Variants in ANO4 observed in about 807,000 individuals in gnomAD.
The protein encoded by ANO4 is anoctamin-4.
A neutral mutation model predicts 141.9 loss-of-function variants in ANO4; 69 were observed. That is an observed-to-expected ratio of 0.49 (90% CI 0.40 to 0.59). The LOEUF (loss-of-function observed/expected upper bound fraction) is 0.59. ANO4 is among the 20% of genes least tolerant of loss of function. The pLI is 0.00. For synonymous variants in ANO4, 350 were observed against 394.3 expected (o/e 0.89, Z 1.33); for missense variants, 894 against 1,162.2 (o/e 0.77, Z 3.36).
intron 1 of ANO4, among the ~76,000 whole-genome samples, chr12:100,839,426 A>G (rs1204453431): frequency 6.6e-6 from 1 of 152,160 alleles, no homozygotes; most frequent in African/African-American, 2.4e-5. Flanking sequence ...TAACCAGTTT[A>G]TTTCTTTGTA....
intron 27 of ANO4, among the ~76,000 whole-genome samples, chr12:101,127,468 T>C (rs2051369450): frequency 6.6e-6 from 1 of 152,200 alleles, no homozygotes; most frequent in Non-Finnish European, 1.5e-5. Flanking sequence ...GAATTCTTCC[T>C]GAAAGCCTCA....
intron 22 of ANO4, among the ~76,000 whole-genome samples, chr12:101,107,391 G>A (rs377022800): frequency 7.2e-5 from 11 of 152,140 alleles, no homozygotes; most frequent in African/African-American, 1.2e-4. Context: ...AAGGCAAAAC[G>A]CCGTAAAATC....
intron 3 of ANO4, among the ~76,000 whole-genome samples, chr12:100,757,705 C>G (rs543069453): frequency 6.6e-6 from 1 of 152,238 alleles, no homozygotes. Flanking sequence ...GACTGCCAAC[C>G]TGCCTACTGT....
At chr12:101,127,318 A>G (rs1237630193) in intron 27 of ANO4, among the ~76,000 whole-genome samples, 1 of 152,180 alleles carries the variant, frequency 6.6e-6, no homozygotes, top group South Asian at 2.1e-4. Context: ...CTATCAGTCA[A>G]GGTCTTCATG....
At chr12:100,765,519 T>C (rs2033038392) in intron 3 of ANO4, among the ~76,000 whole-genome samples, 1 of 151,524 alleles carries the variant, frequency 6.6e-6, no homozygotes, top group South Asian at 2.1e-4. Context: ...GCTGGGACCA[T>C]AGACATAGGC....
chr12:100,882,766 T>C (rs867238201), intron 1 of ANO4, among the ~76,000 whole-genome samples: 68 of 152,138 alleles, frequency 4.5e-4, no homozygotes, highest in South Asian at 2.1e-4. Flanking sequence ...TGGCATGATC[T>C]TGGCTCTCTG....
chr12:100,789,473 G>C (rs901812578), intron 3 of ANO4, among the ~76,000 whole-genome samples: 4 of 152,172 alleles, frequency 2.6e-5, no homozygotes, highest in African/African-American at 9.7e-5. Context: ...GATGACAACG[G>C]TGACAATAGC....
At chr12:100,988,438 C>T (rs1411065210) in intron 8 of ANO4, among the ~76,000 whole-genome samples, 1 of 151,800 alleles carries the variant, frequency 6.6e-6, no homozygotes, top group Non-Finnish European at 1.5e-5. Flanking sequence ...AGGTCAGCCC[C>T]ACCTCCCTTG....
chr12:101,067,005 A>C, intron 14 of ANO4: 2 of 582,474 alleles, frequency 3.4e-6, no homozygotes, highest in Non-Finnish European at 3.1e-6. Flanking sequence ...AACAAAAAAA[A>C]AAAAAAAAAA....
chr12:100,926,629 T>TG (rs1176113964), intron 3 of ANO4, among the ~76,000 whole-genome samples: 25 of 151,818 alleles, frequency 1.6e-4, no homozygotes, highest in African/African-American at 5.8e-4. Context: ...TGTGTGTGTG[T>TG]TTGTTTCTTT....
chr12:100,721,314 CAG>C (rs980245349), intron 1 of ANO4, among the ~76,000 whole-genome samples: 8 of 152,136 alleles, frequency 5.3e-5, no homozygotes, highest in Non-Finnish European at 1.0e-4. Flanking sequence ...TGACAGATGG[CAG>C]AGTCAGCTGG....
At chr12:100,875,416 C>T (rs373159265) in intron 1 of ANO4, among the ~76,000 whole-genome samples, 6 of 152,160 alleles carry the variant, frequency 3.9e-5, no homozygotes, top group East Asian at 1.9e-4. Context: ...AACTCAGACA[C>T]GTACTACAAG....
intron 1 of ANO4, among the ~76,000 whole-genome samples, chr12:100,846,057 C>T (rs1383119243): frequency 1.3e-5 from 2 of 152,174 alleles, no homozygotes; most frequent in African/African-American, 2.4e-5. Context: ...TGTTTATTTT[C>T]TAATCCATAA....
At chr12:101,012,329 T>A (rs1274098616) in intron 8 of ANO4, among the ~76,000 whole-genome samples, 1 of 151,940 alleles carries the variant, frequency 6.6e-6, no homozygotes, top group Non-Finnish European at 1.5e-5. Context: ...GAGTAAAACA[T>A]AAGAGAATAA....
chr12:100,805,896 G>A (rs1254751094), intron 1 of ANO4, among the ~76,000 whole-genome samples: 1 of 152,140 alleles, frequency 6.6e-6, no homozygotes, highest in Non-Finnish European at 1.5e-5. Context: ...TGGCCACAAG[G>A]TCCCTGGGAG....
intron 2 of ANO4, among the ~76,000 whole-genome samples, chr12:100,911,986 C>T (rs1481453606): frequency 1.3e-5 from 2 of 152,162 alleles, no homozygotes; most frequent in Admixed American, 1.3e-4. Context: ...ATTTAGTCCT[C>T]ATAGCAGTCT....
At chr12:101,032,642 C>T (rs2047020856) in intron 9 of ANO4, among the ~76,000 whole-genome samples, 1 of 151,906 alleles carries the variant, frequency 6.6e-6, no homozygotes, top group Admixed American at 6.5e-5. Context: ...ACAACCCCAT[C>T]AAAAAGTGGG....
chr12:101,045,959 T>C (rs1043816193), intron 13 of ANO4, among the ~76,000 whole-genome samples: 13 of 152,178 alleles, frequency 8.5e-5, no homozygotes, highest in African/African-American at 2.9e-4. Context: ...GGGGAGGGGT[T>C]GTTGTCTTCC....
At chr12:100,963,795 C>T (rs1353338839) in intron 5 of ANO4, among the ~76,000 whole-genome samples, 3 of 152,078 alleles carry the variant, frequency 2.0e-5, no homozygotes, top group Non-Finnish European at 2.9e-5. Flanking sequence ...ATCAGTTTCA[C>T]AGGCTAGATT....
Sources: gnomAD v4.1 joint callset for allele counts (sites outside exome capture counted in the v4.1 genomes callset) on GRCh38, gnomAD v4.1.1 for gene constraint, MANE v1.5 for transcripts, NCBI Gene and HGNC (gene_info 2026-07-23, HGNC 2026-07-21) for gene names.